CSMD1: variants seen among roughly 807,000 people sequenced by gnomAD.
CSMD1 encodes the protein CUB and sushi domain-containing protein 1.
In CSMD1, 213 loss-of-function variants were observed where a neutral mutation model predicts 417.5. The ratio of observed to expected loss-of-function variants is 0.51; its 90% CI spans 0.46 to 0.57. The LOEUF (loss-of-function observed/expected upper bound fraction) is 0.57, where lower values mean the gene tolerates loss of function less well. Ranked by LOEUF, CSMD1 falls within the 20% of genes least tolerant of loss-of-function variation. The pLI, the probability that CSMD1 is intolerant of heterozygous loss-of-function variation, is 0.00. For synonymous variants in CSMD1, 2,862 were observed against 1,736.8 expected, an observed-to-expected ratio of 1.65 and a Z score of -16.11; for missense variants, 6,923 against 4,529.7, an observed-to-expected ratio of 1.53 and a Z score of -15.17.
intron 2 of CSMD1, among the ~76,000 whole-genome samples, chr8:4,618,977 C>G (rs1801627123): frequency 6.6e-6 from 1 of 152,120 alleles, no homozygotes; most frequent in South Asian, 2.1e-4. Flanking sequence ...ACAGAAGCTT[C>G]AGTAATACCA....
chr8:3,760,874 G>C (rs1399406928), intron 5 of CSMD1, among the ~76,000 whole-genome samples: 3 of 152,106 alleles, frequency 2.0e-5, no homozygotes, highest in Admixed American at 2.0e-4. Context: ...CCCACAGGGG[G>C]ACTAAGAAAT....
chr8:4,415,648 C>T (rs527977819), intron 3 of CSMD1, among the ~76,000 whole-genome samples: 2 of 152,256 alleles, frequency 1.3e-5, no homozygotes, highest in South Asian at 2.1e-4. Context: ...CTTTGTATTC[C>T]TGTAACTTAA....
chr8:3,882,636 G>T lies in CSMD1; in HGVS notation c.818+115267C>A, dbSNP rs190630628. Among the ~76,000 whole-genome samples, 7 of 152,224 alleles carry T rather than the reference G, an allele frequency of 4.6e-5. No individual in the cohort carries two copies. In the East Asian group the frequency reaches 1.4e-3, roughly 29 times the overall value. ...TTTGCAAACTGAAAATTATGTAATT[G>T]CCCTCAGGGATATAAATAAGTTGTG... On this transcript the variant is annotated intron_variant, in intron 5 of 69. Transcript: ENST00000635120.
rs1045594790 is a variant in CSMD1 at position 4,334,682 on chromosome 8, C to A, written c.415+85271G>T. On this transcript the variant is annotated intron_variant, in intron 3 of 69. Transcript: ENST00000635120. ...TAGAGAAGCTGTAAATCCTCAAAGC[C>A]TATACTGCCCAATTCTTACCATGAA... Among the ~76,000 whole-genome samples, 5 of 152,146 alleles carry A rather than the reference C, an allele frequency of 3.3e-5. No homozygotes were observed. The South Asian group carries it at 1.0e-3, about 31-fold the overall frequency.
chr8:4,802,692 C>T (rs917434896), intron 1 of CSMD1, among the ~76,000 whole-genome samples: 4 of 152,040 alleles, frequency 2.6e-5, no homozygotes, highest in Admixed American at 2.6e-4. Context: ...CTGTGAAAGG[C>T]TTTGTTTTCT....
At chr8:3,054,901 A>T (rs532244570) in intron 49 of CSMD1, among the ~76,000 whole-genome samples, 1 of 152,160 alleles carries the variant, frequency 6.6e-6, no homozygotes, top group African/African-American at 2.4e-5. Context: ...TATTCATCTT[A>T]ATTTCCTGAA....
intron 23 of CSMD1, among the ~76,000 whole-genome samples, chr8:3,322,604 C>G (rs1806223903): frequency 6.6e-6 from 1 of 152,214 alleles, no homozygotes; most frequent in East Asian, 1.9e-4. Flanking sequence ...GTATAATGCA[C>G]CAGGTTCCAG....
Position 3,682,608 on chromosome 8 carries a change from T to C in CSMD1, c.1009+25806A>G, listed in dbSNP as rs555432957. On this transcript the variant is annotated intron_variant, in intron 7 of 69. Coordinates refer to ENST00000635120, the MANE Select transcript of CSMD1 (RefSeq NM_033225.6). Reference sequence around the variant, plus strand: ...CACTGTTGGTGGGACTGTAAACTAGTTCAACCATTGTGGAAGACAGTGTGG... The same window carrying C: ...CACTGTTGGTGGGACTGTAAACTAGCTCAACCATTGTGGAAGACAGTGTGG... 2.0e-5 allele frequency among the ~76,000 whole-genome samples: 3 copies of C among 152,300 alleles called. No homozygotes were observed. The South Asian group carries it at 6.2e-4, about 32-fold the overall frequency.
rs1411296112 is a variant in CSMD1, at chr8:3,892,557, AT to A, written c.818+105345del. 7.1e-3 allele frequency among the ~76,000 whole-genome samples: 1,082 copies of A among 151,842 alleles called. 14 individuals are homozygous for A. Among genetic ancestry groups the A allele is most frequent in the African/African-American group, 0.025 (1,027 of 41,410 alleles). On this transcript the variant is annotated intron_variant, in intron 5 of 69. Coordinates refer to ENST00000635120, the MANE Select transcript of CSMD1 (RefSeq NM_033225.6). ...AAAAATAATAATAATAATAATAATA[AT>A]AAGATTACTCTAAGTAAAACCAGTT...
At chr8:4,532,512 A>C (rs1383259926) in intron 2 of CSMD1, among the ~76,000 whole-genome samples, 1 of 146,764 alleles carries the variant, frequency 6.8e-6, no homozygotes, top group Non-Finnish European at 1.5e-5. Context: ...ACCCCCATTC[A>C]GTCACTCCGG....
chr8:3,303,727 T>TAAAGC (rs1804593689), intron 25 of CSMD1, among the ~76,000 whole-genome samples: 1 of 152,214 alleles, frequency 6.6e-6, no homozygotes, highest in Non-Finnish European at 1.5e-5. Context: ...TTTTGTTACA[T>TAAAGC]AAAGCAAAGC....
At chr8:3,559,958 C>T (rs560361323) in intron 10 of CSMD1, among the ~76,000 whole-genome samples, 2 of 152,026 alleles carry the variant, frequency 1.3e-5, no homozygotes, top group African/African-American at 2.4e-5. Context: ...GGAGGAAAGC[C>T]GTGCGGAATG....
chr8:2,949,216 T>C (rs1267565542), intron 68 of CSMD1, 83 bp downstream of exon 68: 1 of 740,588 alleles, frequency 1.4e-6, no homozygotes, highest in Non-Finnish European at 2.3e-6. Flanking sequence ...TCTTTTAGAG[T>C]CGTCTTTTCC....
intron 3 of CSMD1, among the ~76,000 whole-genome samples, chr8:4,400,318 C>G (rs1052965629): frequency 6.6e-6 from 1 of 152,170 alleles, no homozygotes; most frequent in Non-Finnish European, 1.5e-5. Context: ...TTCCTGGTCC[C>G]ATAGGAAACT....
At chr8:4,464,276 G>A (rs963698069) in intron 2 of CSMD1, among the ~76,000 whole-genome samples, 1 of 151,928 alleles carries the variant, frequency 6.6e-6, no homozygotes, top group Non-Finnish European at 1.5e-5. Flanking sequence ...ATGAAGCACA[G>A]GGCATTATTA....
intron 23 of CSMD1, among the ~76,000 whole-genome samples, chr8:3,326,556 G>C (rs371168286): frequency 6.6e-6 from 1 of 152,162 alleles, no homozygotes; most frequent in East Asian, 1.9e-4. Flanking sequence ...TTACACATTT[G>C]TTTTCAAGCT....
chr8:4,284,622 C>T (rs1033560427), intron 3 of CSMD1, among the ~76,000 whole-genome samples: 1 of 152,108 alleles, frequency 6.6e-6, no homozygotes, highest in Non-Finnish European at 1.5e-5. Flanking sequence ...GTAAAACTCA[C>T]AGCAACTGTT....
rs149777906 is a variant in CSMD1 at position 4,260,233 on chromosome 8, C to T, written c.415+159720G>A. Among the ~76,000 whole-genome samples, 613 of 152,272 alleles carry T rather than the reference C, an allele frequency of 4.0e-3. 3 individuals carry two copies. Among genetic ancestry groups the T allele is most frequent in the African/African-American group, 0.014 (577 of 41,548 alleles). On this transcript the variant is annotated intron_variant, in intron 3 of 69. Transcript: ENST00000635120. Reference sequence around the variant, plus strand: ...AATTGGGGTGAACACTACCTCTTTGCTATTTCAACTTGCATTCCGCTTATT... The same window carrying T: ...AATTGGGGTGAACACTACCTCTTTGTTATTTCAACTTGCATTCCGCTTATT...
Position 3,510,794 on chromosome 8 carries a change from G to A in CSMD1, c.1345-17068C>T, listed in dbSNP as rs188145521. On this transcript the variant is annotated intron_variant, in intron 10 of 69. Coordinates refer to ENST00000635120, the MANE Select transcript of CSMD1 (RefSeq NM_033225.6). ...GCTTTTTTGCCTATGTTTATTAGCCGCATAAATGTCTTCTTTTGAGAAGTA... is the reference window on the plus strand; with the variant it reads ...GCTTTTTTGCCTATGTTTATTAGCCACATAAATGTCTTCTTTTGAGAAGTA... Among the ~76,000 whole-genome samples, 154 of 151,828 alleles carry A rather than the reference G, an allele frequency of 1.0e-3. 1 individual carries two copies. The highest frequency in any genetic ancestry group is 3.4e-3 in the African/African-American group (139 of 41,174).
Sources: gnomAD v4.1 joint callset for allele counts (sites outside exome capture counted in the v4.1 genomes callset) on GRCh38, gnomAD v4.1.1 for gene constraint, MANE v1.5 for transcripts, NCBI Gene and HGNC (gene_info 2026-07-23, HGNC 2026-07-21) for gene names.